RIN3: variants seen among roughly 807,000 people sequenced by gnomAD.
The protein encoded by RIN3 is Ras and Rab interactor 3.
In RIN3, 54 loss-of-function variants were observed where a neutral mutation model predicts 76.3. The observed-to-expected ratio is 0.71, with a 90% CI of 0.57 to 0.89. The LOEUF (loss-of-function observed/expected upper bound fraction) is 0.89. Among genes scored for constraint, RIN3 ranks in the 40% least tolerant of loss-of-function variants. The probability of loss-of-function intolerance (pLI) is 0.00; values close to 1 mark genes in which losing one functional copy is unlikely to be tolerated. For synonymous variants in RIN3, 576 were observed against 564.0 expected, an observed-to-expected ratio of 1.02 and a Z score of -0.30; for missense variants, 1,256 against 1,322.1, an observed-to-expected ratio of 0.95 and a Z score of 0.78.
In RIN3 at chr14:92,577,375, C is replaced by T. The variant is rs144699416; in HGVS notation, c.265C>T (p.Arg89Trp). 1,318 of 1,612,882 alleles carry T rather than the reference C, an allele frequency of 8.2e-4. 9 individuals are homozygous for T. Among genetic ancestry groups the T allele is most frequent in the African/African-American group, 6.2e-3 (463 of 75,006 alleles). Residue 89 changes from arginine (R) to tryptophan (W), a missense_variant, in exon 3 of 10, where the codon CGG (arginine) becomes TGG (tryptophan). Physicochemically the swap from Arg to Trp is moderately radical, Grantham distance 101 (BLOSUM62 -3). This residue lies in a region of RIN3 where 610 missense variants were observed against 626.4 expected (regional missense o/e 0.97). Coordinates refer to ENST00000216487, the MANE Select transcript of RIN3 (RefSeq NM_024832.5). Reference sequence around the variant, plus strand: ...TTGGTTTCAGATGTTCCTGGTTCGCCGGGACAGCAGCTCGAAGCAGCTGGT... The same window carrying T: ...TTGGTTTCAGATGTTCCTGGTTCGCTGGGACAGCAGCTCGAAGCAGCTGGT... ...RVVAGMFLVR[R>W]DSSSKQLVLC...
intron 2 of RIN3, among the ~76,000 whole-genome samples, chr14:92,562,349 C>G (rs1228646828): frequency 6.6e-6 from 1 of 152,234 alleles, no homozygotes; most frequent in African/African-American, 2.4e-5. Flanking sequence ...CTCTTTCCCC[C>G]ACTGCCTCTC....
At position 92,535,669 on chromosome 14, in the gene RIN3, C is replaced by CTT. The variant is rs59009829; in HGVS notation, c.45-20059_45-20058dup. Among the ~76,000 whole-genome samples, 38 of 94,100 alleles carry CTT rather than the reference C, an allele frequency of 4.0e-4. 1 individual carries two copies. The highest frequency in any genetic ancestry group is 5.7e-4 in the Non-Finnish European group (29 of 50,732). 61.7% of individuals were successfully genotyped at this position (94,100 alleles called of 152,430 possible). On this transcript the variant is annotated intron_variant, in intron 1 of 9. Coordinates refer to ENST00000216487, the MANE Select transcript of RIN3 (RefSeq NM_024832.5). Reference sequence around the variant, plus strand: ...TAGGACACAGTCTACCTGGAACAGACTTTTTTTTTTTTTTTTTTTTTTTTA... The same window carrying CTT: ...TAGGACACAGTCTACCTGGAACAGACTTTTTTTTTTTTTTTTTTTTTTTTTTA...
chr14:92,651,445 ACCT>A, intron 5 of RIN3, 134 bp from the exon 6 acceptor site: 4 of 202 alleles, frequency 0.02, no homozygotes, highest in South Asian at 0.17. Flanking sequence ...GGGGAAAACA[ACCT>A]CAACCTCGGA....
At chr14:92,617,835 T>G (rs1886030170) in intron 4 of RIN3, among the ~76,000 whole-genome samples, 1 of 152,224 alleles carries the variant, frequency 6.6e-6, no homozygotes, top group South Asian at 2.1e-4. Context: ...TATCATAACT[T>G]TCACAAGAAA....
intron 7 of RIN3, among the ~76,000 whole-genome samples, chr14:92,661,986 TA>T (rs1169523112): frequency 6.6e-6 from 1 of 152,046 alleles, no homozygotes; most frequent in Non-Finnish European, 1.5e-5. Context: ...TGCAACTGAG[TA>T]ACCTCCAGGA....
At chr14:92,525,649 G>T (rs1045078681) in intron 1 of RIN3, among the ~76,000 whole-genome samples, 2 of 152,104 alleles carry the variant, frequency 1.3e-5, no homozygotes, top group African/African-American at 4.8e-5. Flanking sequence ...AAGGGAGAGG[G>T]TCCAGCCACA....
Position 92,688,231 on chromosome 14 carries a change from G to A in RIN3, c.2937G>A (p.Val979=), listed in dbSNP as rs894163402. The change falls in exon 10 of 10, where the codon GTG becomes GTA. Residue 979 remains valine, a synonymous_variant. Coordinates refer to ENST00000216487, the MANE Select transcript of RIN3 (RefSeq NM_024832.5). ...GGGGSPPCLV[V]REPNFL ...GCGGGAGCCCGCCCTGCCTGGTGGT[G>A]CGGGAGCCCAACTTCCTGTGAGGCC... 1.9e-6 allele frequency: 3 copies of A among 1,594,990 alleles called. No individual in the cohort carries two copies. Among genetic ancestry groups the A allele is most frequent in the African/African-American group, 1.3e-5 (1 of 74,620 alleles).
At chr14:92,679,501 C>A (rs535694848) in intron 8 of RIN3, among the ~76,000 whole-genome samples, 2 of 152,312 alleles carry the variant, frequency 1.3e-5, no homozygotes, top group East Asian at 3.9e-4. Flanking sequence ...ATCTAGATGA[C>A]CTTGGGGCTC....
chr14:92,525,551 C>G (rs947024373), intron 1 of RIN3, among the ~76,000 whole-genome samples: 13 of 152,034 alleles, frequency 8.6e-5, no homozygotes, highest in African/African-American at 3.1e-4. Flanking sequence ...CAGAGGGCCT[C>G]TGGGAGAGGG....
chr14:92,527,185 G>A (rs1304074454), intron 1 of RIN3, among the ~76,000 whole-genome samples: 1 of 151,798 alleles, frequency 6.6e-6, no homozygotes, highest in Non-Finnish European at 1.5e-5. Flanking sequence ...TGAGTAGCTG[G>A]GACTACAGGC....
rs993716600 is a variant in RIN3 at position 92,687,922 on chromosome 14, G to A, written c.2632-4G>A. The A allele has an allele frequency of 8.4e-6, 13 of 1,539,650 alleles. No individual in the cohort carries two copies. Among genetic ancestry groups the A allele is most frequent in the Non-Finnish European group, 6.1e-6 (7 of 1,143,546 alleles). On this transcript the variant is annotated splice_region_variant and splice_polypyrimidine_tract_variant and intron_variant, in intron 9 of 9. Transcript: ENST00000216487. ...GTGACCACAGGCCCCTCGCGTCTCC[G>A]CAGGACTTCATCTGCGTGTCGTACC...
chr14:92,538,758 T>C (rs1897067411), intron 1 of RIN3, among the ~76,000 whole-genome samples: 1 of 152,154 alleles, frequency 6.6e-6, no homozygotes, highest in Non-Finnish European at 1.5e-5. Flanking sequence ...AAACTTTATT[T>C]TTCAAAGTTT....
chr14:92,532,602 G>C (rs1243032398), intron 1 of RIN3, among the ~76,000 whole-genome samples: 2 of 152,148 alleles, frequency 1.3e-5, no homozygotes, highest in African/African-American at 2.4e-5. Context: ...AGCAGGGGAG[G>C]GGGAGGCTGC....
At chr14:92,558,444 G>C (rs1299620813) in intron 2 of RIN3, among the ~76,000 whole-genome samples, 1 of 152,192 alleles carries the variant, frequency 6.6e-6, no homozygotes, top group Non-Finnish European at 1.5e-5. Context: ...TCTGTGCTTT[G>C]CAGATATCAT....
At chr14:92,584,066 A>T (rs1443555687) in intron 3 of RIN3, among the ~76,000 whole-genome samples, 1 of 152,140 alleles carries the variant, frequency 6.6e-6, no homozygotes, top group Non-Finnish European at 1.5e-5. Context: ...CCTCATTTAA[A>T]GTATACAGGA....
chr14:92,649,855 G>C (rs1404364299), intron 5 of RIN3, among the ~76,000 whole-genome samples: 1 of 152,222 alleles, frequency 6.6e-6, no homozygotes, highest in Non-Finnish European at 1.5e-5. Context: ...CAGACACAGG[G>C]TATCTGCCCA....
chr14:92,601,316 G>A (rs747114204), intron 3 of RIN3, among the ~76,000 whole-genome samples: 7 of 152,098 alleles, frequency 4.6e-5, no homozygotes, highest in Non-Finnish European at 8.8e-5. Context: ...GGTAGGTGAG[G>A]GCACGGACTG....
At chr14:92,664,360 C>CTTT (rs1566894649) in intron 7 of RIN3, among the ~76,000 whole-genome samples, 56 of 97,100 alleles carry the variant, frequency 5.8e-4, no homozygotes, top group South Asian at 3.4e-4. Context: ...TTCTTTCTTT[C>CTTT]TTTCTTTTTT....
At chr14:92,529,958 T>C (rs1325212597) in intron 1 of RIN3, among the ~76,000 whole-genome samples, 1 of 152,198 alleles carries the variant, frequency 6.6e-6, no homozygotes, top group African/African-American at 2.4e-5. Context: ...AACAAGGTTA[T>C]GTATTGATTG....
Sources: gnomAD v4.1 joint callset for allele counts (sites outside exome capture counted in the v4.1 genomes callset) on GRCh38, gnomAD v4.1.1 for gene constraint, gnomAD v4.1.1 regional missense constraint, MANE v1.5 for transcripts, NCBI Gene and HGNC (gene_info 2026-07-23, HGNC 2026-07-21) for gene names.